Variants in PCDHA8 observed in about 807,000 individuals in gnomAD.
PCDHA8 encodes protocadherin alpha 8, also known as protocadherin alpha-8.
Under a neutral mutation model 61.8 loss-of-function variants are expected in PCDHA8, and 53 were observed. That is an observed-to-expected ratio of 0.86 (90% CI 0.69 to 1.08). The LOEUF (loss-of-function observed/expected upper bound fraction) is 1.08. Among genes scored for constraint, PCDHA8 ranks in the 50% least tolerant of loss-of-function variants. The pLI, the probability that PCDHA8 is intolerant of heterozygous loss-of-function variation, is 0.00. For synonymous variants in PCDHA8, 618 were observed against 556.6 expected, an observed-to-expected ratio of 1.11 and a Z score of -1.55; for missense variants, 1,293 against 1,245.0, an observed-to-expected ratio of 1.04 and a Z score of -0.58.
rs782270666 is a variant in PCDHA8, at chr5:140,884,372, A to G, written c.2394+40657A>G. ...GGTGGATGTCAATGTTTACTTGATC[A>G]TTGCCATCTGCGCGGTGTCCAGCCT... On this transcript the variant is annotated intron_variant, in intron 1 of 3. Coordinates refer to ENST00000531613, the MANE Select transcript of PCDHA8 (RefSeq NM_018911.3). 6 of 1,613,806 alleles carry G rather than the reference A, an allele frequency of 3.7e-6. No homozygotes were observed. Among genetic ancestry groups the G allele is most frequent in the Non-Finnish European group, 5.1e-6 (6 of 1,179,874 alleles).
rs1219444085 is a variant in PCDHA8 at position 141,010,861 on chromosome 5, A to G, written c.*924A>G. On this transcript the variant is annotated 3_prime_UTR_variant, in exon 4 of 4. Coordinates refer to ENST00000531613, the MANE Select transcript of PCDHA8 (RefSeq NM_018911.3). ...ATTTATTTAAAAAAAGAGAAAGTCTATAGCTATAAATCTTTAAAGAGAAAT... is the reference window on the plus strand; with the variant it reads ...ATTTATTTAAAAAAAGAGAAAGTCTGTAGCTATAAATCTTTAAAGAGAAAT... 9.1e-5 allele frequency: 14 copies of G among 153,794 alleles called. No individual in the cohort carries two copies. Among genetic ancestry groups the G allele is most frequent in the African/African-American group, 3.1e-4 (13 of 41,468 alleles). 9.5% of individuals were successfully genotyped at this position (153,794 alleles called of 1,614,324 possible).
chr5:140,849,320 G>C, intron 1 of PCDHA8: 10 of 1,335,992 alleles, frequency 7.5e-6, no homozygotes, highest in Non-Finnish European at 1.0e-5. Flanking sequence ...GCTTGAATGG[G>C]GATATTATTT....
chr5:140,854,867 G>T (rs2043248640), intron 1 of PCDHA8, among the ~76,000 whole-genome samples: 1 of 149,650 alleles, frequency 6.7e-6, no homozygotes, highest in East Asian at 1.9e-4. Context: ...ATATATTTCA[G>T]AACTGTGTCT....
intron 1 of PCDHA8, chr5:140,868,024 G>A (rs550037758): frequency 2.0e-5 from 3 of 152,200 alleles, no homozygotes; most frequent in South Asian, 4.1e-4. Context: ...GGAAACCAAT[G>A]TTGGTGACTT....
At chr5:140,955,823 T>C (rs1189753862) in intron 1 of PCDHA8, among the ~76,000 whole-genome samples, 1 of 152,208 alleles carries the variant, frequency 6.6e-6, no homozygotes, top group African/African-American at 2.4e-5. Flanking sequence ...GTGATTTCCT[T>C]GAGCAGTGGT....
chr5:140,849,672 G>C (rs2150444436), intron 1 of PCDHA8: 3 of 1,598,534 alleles, frequency 1.9e-6, no homozygotes, highest in Middle Eastern at 1.7e-4. Flanking sequence ...GACGCCCCAC[G>C]TCCCCTTCAA....
chr5:140,928,125 C>T, intron 1 of PCDHA8: 2 of 1,614,154 alleles, frequency 1.2e-6, no homozygotes, highest in Non-Finnish European at 1.7e-6. Context: ...TCAGTGAATA[C>T]CAAGTCCTGA....
intron 1 of PCDHA8, chr5:140,868,367 A>T (rs1172492575): frequency 1.3e-5 from 2 of 152,208 alleles, no homozygotes; most frequent in African/African-American, 4.8e-5. Context: ...AAATGTAAAT[A>T]ACAGTAAAGA....
Position 140,994,911 on chromosome 5 carries a change from A to G in PCDHA8, c.2542+12348A>G, listed in dbSNP as rs527704488. Among the ~76,000 whole-genome samples, 14 of 152,340 alleles carry G rather than the reference A, an allele frequency of 9.2e-5. No homozygotes were observed. The East Asian group carries it at 1.7e-3, about 19-fold the overall frequency. On this transcript the variant is annotated intron_variant, in intron 3 of 3. Transcript: ENST00000531613. ...AAATGAGATCAGAAATGTAGACTGGAATCAGATTTTGTAGGACCTTAAACA... is the reference window on the plus strand; with the variant it reads ...AAATGAGATCAGAAATGTAGACTGGGATCAGATTTTGTAGGACCTTAAACA...
rs2040836417 is a variant in PCDHA8 at position 140,849,271 on chromosome 5, C to G, written c.2394+5556C>G. ...TTACCAGAAAACGTTTCTATCGGAA[C>G]GCTGGTGATTCACCCCAATGCCTCA... is the stretch of plus-strand genomic sequence containing the variant. On this transcript the variant is annotated intron_variant, in intron 1 of 3. Coordinates refer to ENST00000531613, the MANE Select transcript of PCDHA8 (RefSeq NM_018911.3). 10 of 1,147,158 alleles carry G rather than the reference C, an allele frequency of 8.7e-6. No individual in the cohort carries two copies. In the East Asian group the frequency reaches 2.3e-4, roughly 26 times the overall value. 71.1% of individuals were successfully genotyped at this position (1,147,158 alleles called of 1,614,324 possible).
chr5:140,869,244 C>A (rs782454826), intron 1 of PCDHA8: 1 of 1,613,658 alleles, frequency 6.2e-7, no homozygotes. Flanking sequence ...TCGTGGGCCG[C>A]ATCGCGCAGG....
At chr5:140,882,446 G>T (rs556783584) in intron 1 of PCDHA8, 1 of 1,613,924 alleles carries the variant, frequency 6.2e-7, no homozygotes, top group African/African-American at 1.3e-5. Flanking sequence ...GGCGGAGCTG[G>T]TGCCGCGCCT....
intron 1 of PCDHA8, among the ~76,000 whole-genome samples, chr5:140,871,977 C>T (rs533366368): frequency 6.6e-6 from 1 of 152,288 alleles, no homozygotes; most frequent in East Asian, 1.9e-4. Flanking sequence ...CTATGATGTC[C>T]AGGTTGGACT....
At chr5:141,006,181 G>A (rs960173277) in intron 3 of PCDHA8, among the ~76,000 whole-genome samples, 1 of 150,918 alleles carries the variant, frequency 6.6e-6, no homozygotes, top group Non-Finnish European at 1.5e-5. Flanking sequence ...TTTTAAAAGA[G>A]TTTGCTATAT....
rs374310903 is a variant in PCDHA8 at position 140,968,575 on chromosome 5, G to A, written c.2395-10374G>A. 16 of 1,614,016 alleles carry A rather than the reference G, an allele frequency of 9.9e-6. No homozygotes were observed. In the African/African-American group the frequency reaches 2.1e-4, roughly 22 times the overall value. ...CTCGAACTGCCCCTGCTGGCTACCT[G>A]GTCACCAAAGTCATAGCTATGGACT... On this transcript the variant is annotated intron_variant, in intron 1 of 3. Transcript: ENST00000531613.
rs201501759 is a variant in PCDHA8 at position 140,978,957 on chromosome 5, G to A, written c.2403G>A (p.Gln801=). The stretch of plus-strand genomic sequence containing the variant: ...TCTTTGTGATTTTGCAGCCACGACA[G>A]CCCAACCCTGACTGGCGTTACTCTG... ...LNVDHGLKPR[Q]PNPDWRYSAS... is the part of the protein sequence containing the mutation. Residue 801 remains glutamine, a synonymous_variant, in exon 2 of 4, where the codon CAG becomes CAA. Coordinates refer to ENST00000531613, the MANE Select transcript of PCDHA8 (RefSeq NM_018911.3). 56 of 1,614,040 alleles carry A rather than the reference G, an allele frequency of 3.5e-5. No individual in the cohort carries two copies. In the East Asian group the frequency reaches 1.1e-3, roughly 32 times the overall value.
Position 140,842,949 on chromosome 5 carries a change from C to T in PCDHA8, c.1628C>T (p.Pro543Leu). The change falls in exon 1 of 4, where the codon CCG (proline) becomes CTG (leucine). Residue 543 changes from proline (P) to leucine (L), a missense_variant. Physicochemically the swap from Pro to Leu is moderately conservative, Grantham distance 98. Coordinates refer to ENST00000531613, the MANE Select transcript of PCDHA8 (RefSeq NM_018911.3). ...FQVSARDAGV[P>L]PLGSNVTLQV... Reference sequence around the variant, plus strand: ...GTGAGCGCGCGCGACGCGGGCGTGCCGCCTCTGGGCAGCAACGTGACGCTG... The same window carrying T: ...GTGAGCGCGCGCGACGCGGGCGTGCTGCCTCTGGGCAGCAACGTGACGCTG... The T allele has an allele frequency of 3.1e-6, 5 of 1,594,666 alleles. 1 individual carries two copies. The highest frequency in any genetic ancestry group is 4.3e-6 in the Non-Finnish European group (5 of 1,165,460).
At chr5:140,938,827 C>T (rs905501922) in intron 1 of PCDHA8, among the ~76,000 whole-genome samples, 4 of 151,880 alleles carry the variant, frequency 2.6e-5, no homozygotes, top group Non-Finnish European at 4.4e-5. Context: ...CATGAGTTTG[C>T]GTTATAACAA....
intron 1 of PCDHA8, among the ~76,000 whole-genome samples, chr5:140,940,840 A>T (rs1554213622): frequency 2.0e-5 from 3 of 152,222 alleles, no homozygotes; most frequent in Non-Finnish European, 1.5e-5. Context: ...ACCTTTCTTC[A>T]CGATAGATTT....
Sources: allele counts gnomAD v4.1 joint callset (sites outside exome capture counted in the v4.1 genomes callset), GRCh38; gene constraint gnomAD v4.1.1; transcripts MANE v1.5; gene names NCBI Gene and HGNC (gene_info 2026-07-23, HGNC 2026-07-21).